Variants in GPR137B observed in about 807,000 individuals in gnomAD.
GPR137B encodes integral membrane protein GPR137B.
GPR137B carries 42 observed loss-of-function variants against 42.5 expected under a neutral mutation model. That is an observed-to-expected ratio of 0.99 (90% CI 0.77 to 1.28). The LOEUF (loss-of-function observed/expected upper bound fraction) is 1.28, where lower values mean the gene tolerates loss of function less well. Among genes scored for constraint, GPR137B ranks in the 50% most tolerant of loss-of-function variants. The probability of loss-of-function intolerance (pLI) is 0.00; values close to 1 mark genes in which losing one functional copy is unlikely to be tolerated. For synonymous variants in GPR137B, 218 were observed against 209.7 expected (o/e 1.04, Z -0.34); for missense variants, 487 against 493.9 (o/e 0.99, Z 0.13).
chr1:236,194,701 A>G (rs1182500794), intron 5 of GPR137B, among the ~76,000 whole-genome samples: 1 of 152,204 alleles, frequency 6.6e-6, no homozygotes, highest in Non-Finnish European at 1.5e-5. Context: ...AAGGCTTTTC[A>G]AACCCCAACA....
At chr1:236,198,176 A>G (rs1663394199) in intron 5 of GPR137B, among the ~76,000 whole-genome samples, 1 of 152,094 alleles carries the variant, frequency 6.6e-6, no homozygotes. Flanking sequence ...TACGAATTTT[A>G]GAATTTTTTC....
intron 2 of GPR137B, among the ~76,000 whole-genome samples, chr1:236,169,289 C>T (rs769957351): frequency 1.3e-5 from 2 of 152,114 alleles, no homozygotes; most frequent in African/African-American, 2.4e-5. Flanking sequence ...AGCCTGCCAC[C>T]TGGTGGCCTT....
chr1:236,161,809 C>T (rs777544684), intron 1 of GPR137B, among the ~76,000 whole-genome samples: 16 of 152,110 alleles, frequency 1.1e-4, no homozygotes, highest in Non-Finnish European at 1.5e-4. Context: ...CCTGCCATGA[C>T]TCTGAGGCCT....
At chr1:236,205,594 A>G (rs905429283) in intron 6 of GPR137B, among the ~76,000 whole-genome samples, 2 of 152,206 alleles carry the variant, frequency 1.3e-5, no homozygotes, top group African/African-American at 4.8e-5. Context: ...GCTGGAGTGC[A>G]GAGTGGTGCA....
intron 1 of GPR137B, 109 bp from the exon 2 acceptor site, chr1:236,168,597 C>T (rs912553767): frequency 2.4e-5 from 19 of 782,126 alleles, no homozygotes; most frequent in Non-Finnish European, 4.1e-5. Flanking sequence ...TTATAAAAAA[C>T]GTGCCCAGCG....
At chr1:236,169,473 C>G (rs899833149) in intron 2 of GPR137B, among the ~76,000 whole-genome samples, 4 of 152,234 alleles carry the variant, frequency 2.6e-5, no homozygotes, top group African/African-American at 9.6e-5. Flanking sequence ...TGTGTTATAG[C>G]TGAGAAGTGG....
At chr1:236,207,140 A>C (rs1445775488) in intron 6 of GPR137B, 1 of 985,138 alleles carries the variant, frequency 1.0e-6, no homozygotes, top group Non-Finnish European at 1.2e-6. Flanking sequence ...TAGGGACAGA[A>C]GTACTGAAGA....
chr1:236,164,419 G>A lies in GPR137B; in HGVS notation c.415-4287G>A, dbSNP rs73121099. Among the ~76,000 whole-genome samples, 854 of 152,228 alleles carry A rather than the reference G, an allele frequency of 5.6e-3. 12 individuals carry two copies. The highest frequency in any genetic ancestry group is 0.02 in the African/African-American group (827 of 41,516). ...CAGAGAGTATGACAGCAGAATTCAC[G>A]TCTGCCTCCCCACAGGAGCCGTCGC... is the stretch of plus-strand genomic sequence containing the variant. On this transcript the variant is annotated intron_variant, in intron 1 of 6. Coordinates refer to ENST00000366592, the MANE Select transcript of GPR137B (RefSeq NM_003272.4).
chr1:236,143,361 C>G (rs1661589055), intron 1 of GPR137B, among the ~76,000 whole-genome samples: 1 of 152,254 alleles, frequency 6.6e-6, no homozygotes, highest in Admixed American at 6.5e-5. Flanking sequence ...CGCCTGCACA[C>G]GCCAGTTAGT....
At chr1:236,189,287 A>AT (rs963007692) in intron 5 of GPR137B, among the ~76,000 whole-genome samples, 7 of 151,610 alleles carry the variant, frequency 4.6e-5, no homozygotes, top group South Asian at 2.1e-4. Flanking sequence ...GGATTCATTG[A>AT]TTTTTTTTGA....
At chr1:236,153,651 C>T (rs1661935226) in intron 1 of GPR137B, among the ~76,000 whole-genome samples, 2 of 152,204 alleles carry the variant, frequency 1.3e-5, no homozygotes, top group Admixed American at 1.3e-4. Context: ...GCAAGGAAAA[C>T]AGACTTCATG....
Position 236,208,127 on chromosome 1 carries a change from C to T in GPR137B, c.1169C>T (p.Thr390Ile), listed in dbSNP as rs1231751503. The T allele has an allele frequency of 6.2e-7, 1 of 1,613,798 alleles. No individual in the cohort carries two copies. Among genetic ancestry groups the T allele is most frequent in the South Asian group, 1.1e-5 (1 of 91,072 alleles). Reference protein sequence around the residue: ...LAQAGTLQDSTLDPDKPSLG With the variant: ...LAQAGTLQDSILDPDKPSLG ...CAAGCAGGAACTTTGCAAGACTCAA[C>T]TTTGGATCCTGACAAACCAAGCCTT... The change falls in exon 7 of 7, where the codon ACT becomes ATT. Residue 390 changes from threonine (T) to isoleucine (I), a missense_variant. Coordinates refer to ENST00000366592, the MANE Select transcript of GPR137B (RefSeq NM_003272.4).
intron 1 of GPR137B, among the ~76,000 whole-genome samples, chr1:236,158,596 A>G (rs1451530025): frequency 5.9e-5 from 9 of 152,190 alleles, no homozygotes; most frequent in Admixed American, 2.0e-4. Flanking sequence ...TTGCATACAT[A>G]CGTTTTGAAC....
In GPR137B at chr1:236,142,667, G is replaced by T; in HGVS notation, c.45G>T (p.Pro15=). The change falls in exon 1 of 7, where the codon CCG becomes CCT. Residue 15 remains proline, a synonymous_variant. Transcript: ENST00000366592. Reference sequence around the variant, plus strand: ...GGCCGCGCGGCAGCGCCCCCGGCCCGATGGAGACCCCGCCGTGGGACCCAG... The same window carrying T: ...GGCCGCGCGGCAGCGCCCCCGGCCCTATGGAGACCCCGCCGTGGGACCCAG... ...RPRPRGSAPG[P]METPPWDPAR... is the part of the protein sequence containing the mutation. 1 of 1,542,950 alleles carries T rather than the reference G, an allele frequency of 6.5e-7. No homozygotes were observed. The highest frequency in any genetic ancestry group is 8.7e-7 in the Non-Finnish European group (1 of 1,150,162).
intron 3 of GPR137B, among the ~76,000 whole-genome samples, 164 bp downstream of exon 3, chr1:236,178,800 T>TTTTTG (rs1662777325): frequency 1.1e-5 from 1 of 89,994 alleles, no homozygotes; most frequent in Admixed American, 1.2e-4. Context: ...TTTTTTTTTT[T>TTTTTG]TTTTTTTTTT....
intron 2 of GPR137B, among the ~76,000 whole-genome samples, chr1:236,170,185 A>AG (rs1662493648): frequency 6.6e-6 from 1 of 152,176 alleles, no homozygotes; most frequent in Admixed American, 6.5e-5. Context: ...TGCCAACGGC[A>AG]AACATTTCTG....
intron 2 of GPR137B, among the ~76,000 whole-genome samples, chr1:236,169,645 T>C (rs879412785): frequency 5.9e-5 from 9 of 151,938 alleles, no homozygotes; most frequent in Admixed American, 1.3e-4. Flanking sequence ...TTAAGTTATG[T>C]GAGGAGGGGG....
chr1:236,196,687 T>C (rs1663348694), intron 5 of GPR137B, among the ~76,000 whole-genome samples: 1 of 152,212 alleles, frequency 6.6e-6, no homozygotes, highest in South Asian at 2.1e-4. Context: ...CAGCTCCTGC[T>C]TATAAGTGAG....
At chr1:236,183,706 C>T (rs1662944951) in intron 4 of GPR137B, 72 bp from the exon 5 acceptor site, 2 of 1,104,072 alleles carry the variant, frequency 1.8e-6, no homozygotes, top group Non-Finnish European at 1.3e-6. Context: ...TCTCTGTTCA[C>T]ATTAGAAAGA....
Sources: gnomAD v4.1 joint callset for allele counts (sites outside exome capture counted in the v4.1 genomes callset) on GRCh38, gnomAD v4.1.1 for gene constraint, MANE v1.5 for transcripts, NCBI Gene and HGNC (gene_info 2026-07-23, HGNC 2026-07-21) for gene names.